Variants in HEMK2 observed in about 807,000 individuals in gnomAD.
HEMK2 encodes methyltransferase HEMK2.
the HEMK2 span, chr21:28,883,002 G>C: frequency 6.2e-7 from 1 of 1,601,116 alleles, no homozygotes; most frequent in Non-Finnish European, 8.5e-7. Flanking sequence ...AAGCCTGAGG[G>C]CCTATCATAG....
the HEMK2 span, among the ~76,000 whole-genome samples, chr21:28,841,872 A>G: frequency 2.6e-5 from 4 of 152,192 alleles, no homozygotes; most frequent in African/African-American, 9.7e-5. Flanking sequence ...GCTGAAAGAC[A>G]ACATTTCACA....
the HEMK2 span, among the ~76,000 whole-genome samples, chr21:28,679,617 G>A: frequency 5.9e-5 from 9 of 151,918 alleles, no homozygotes; most frequent in South Asian, 2.1e-4. Context: ...GCACCACATC[G>A]CACTTATTCC....
the HEMK2 span, among the ~76,000 whole-genome samples, chr21:28,876,736 T>C: frequency 0.17 from 26,151 of 152,026 alleles, 2,345 homozygotes; most frequent in South Asian, 0.23. Context: ...CACAGCCTAC[T>C]TTTGACTCAG....
chr21:28,833,852 T>C, the HEMK2 span, among the ~76,000 whole-genome samples: 1 of 152,224 alleles, frequency 6.6e-6, no homozygotes, highest in Non-Finnish European at 1.5e-5. Flanking sequence ...CAACGATATC[T>C]ACCTGTGCAG....
At chr21:28,613,619 C>CTTTTTTTTTTTTTTTTTTTTTTTTTTT in the HEMK2 span, among the ~76,000 whole-genome samples, 2 of 82,700 alleles carry the variant, frequency 2.4e-5, no homozygotes, top group African/African-American at 1.0e-4. Context: ...TCTGCATATT[C>CTTTTTTTTTTTTTTTTTTTTTTTTTTT]TTTTTTTTTT....
the HEMK2 span, among the ~76,000 whole-genome samples, chr21:28,669,220 G>A: frequency 7.2e-5 from 11 of 152,080 alleles, no homozygotes; most frequent in Non-Finnish European, 1.5e-4. Context: ...TTAGCCAGAT[G>A]TGGTGGTACA....
chr21:28,629,010 C>T, the HEMK2 span, among the ~76,000 whole-genome samples: 1 of 152,144 alleles, frequency 6.6e-6, no homozygotes, highest in South Asian at 2.1e-4. Flanking sequence ...TGCTCGCACC[C>T]CCAACAGACC....
chr21:28,696,321 A>G, the HEMK2 span, among the ~76,000 whole-genome samples: 1 of 152,206 alleles, frequency 6.6e-6, no homozygotes, highest in Non-Finnish European at 1.5e-5. Context: ...ACCCATTCCA[A>G]ATGAAAGAAG....
the HEMK2 span, among the ~76,000 whole-genome samples, chr21:28,857,317 C>T: frequency 1.3e-5 from 2 of 151,592 alleles, no homozygotes; most frequent in South Asian, 2.1e-4. Context: ...TTTCCTGAAA[C>T]CAAGCACCAT....
the HEMK2 span, among the ~76,000 whole-genome samples, chr21:28,576,446 G>A: frequency 7.6e-6 from 1 of 131,396 alleles, no homozygotes; most frequent in Admixed American, 7.8e-5. Flanking sequence ...TTTTATTATT[G>A]AGATTTGGAA....
At chr21:28,731,041 C>G in the HEMK2 span, among the ~76,000 whole-genome samples, 19 of 151,956 alleles carry the variant, frequency 1.3e-4, no homozygotes, top group Non-Finnish European at 1.9e-4. Flanking sequence ...ATGGGATACA[C>G]AGCACATGCT....
chr21:28,857,648 T>TTTAACC, the HEMK2 span, among the ~76,000 whole-genome samples: 4 of 152,216 alleles, frequency 2.6e-5, no homozygotes, highest in African/African-American at 9.6e-5. Context: ...CTTCAGTGCA[T>TTTAACC]TTAACCTTAC....
At chr21:28,807,685 C>T in the HEMK2 span, among the ~76,000 whole-genome samples, 1 of 152,078 alleles carries the variant, frequency 6.6e-6, no homozygotes, top group Non-Finnish European at 1.5e-5. Flanking sequence ...TAGTGGAGAG[C>T]CATCAGCCTC....
the HEMK2 span, among the ~76,000 whole-genome samples, chr21:28,764,841 A>G: frequency 4.6e-5 from 7 of 152,080 alleles, no homozygotes; most frequent in African/African-American, 1.7e-4. Flanking sequence ...TGACAGCTAC[A>G]TTTACTTCTA....
At chr21:28,851,583 G>C in the HEMK2 span, among the ~76,000 whole-genome samples, 1 of 152,160 alleles carries the variant, frequency 6.6e-6, no homozygotes, top group Non-Finnish European at 1.5e-5. Flanking sequence ...TGAACCATTA[G>C]AAATTTTGCT....
the HEMK2 span, among the ~76,000 whole-genome samples, chr21:28,863,254 T>C: frequency 1.3e-5 from 2 of 151,398 alleles, no homozygotes; most frequent in African/African-American, 2.4e-5. Context: ...TTCCAGCCTA[T>C]ATCTTTCTCC....
chr21:28,678,324 C>T, the HEMK2 span, among the ~76,000 whole-genome samples: 5 of 151,944 alleles, frequency 3.3e-5, no homozygotes, highest in African/African-American at 4.8e-5. Context: ...CGAAATGAAA[C>T]GAGAAGAGAA....
At chr21:28,725,349 T>A in the HEMK2 span, among the ~76,000 whole-genome samples, 81,586 of 151,946 alleles carry the variant, frequency 0.54, 23,946 homozygotes, top group East Asian at 0.84. Flanking sequence ...ATTTGGGAGA[T>A]AACCTCAGAA....
At chr21:28,883,500 T>C in the HEMK2 span, among the ~76,000 whole-genome samples, 2 of 152,140 alleles carry the variant, frequency 1.3e-5, no homozygotes, top group Non-Finnish European at 2.9e-5. Context: ...TCATTTTTAA[T>C]ACCTAACATT....
Sources: gnomAD v4.1 joint callset for allele counts (sites outside exome capture counted in the v4.1 genomes callset) on GRCh38, gnomAD v4.1.1 for gene constraint, MANE v1.5 for transcripts, NCBI Gene and HGNC (gene_info 2026-07-23, HGNC 2026-07-21) for gene names.